PDCD10: variants seen among roughly 807,000 people sequenced by gnomAD.
The protein encoded by PDCD10 is programmed cell death 10.
A neutral mutation model predicts 29.2 loss-of-function variants in PDCD10; 4 were observed. The ratio of observed to expected loss-of-function variants is 0.14; its 90% confidence interval spans 0.07 to 0.31. The LOEUF is 0.31. Ranked by LOEUF, PDCD10 falls within the 10% of genes least tolerant of loss-of-function variation. The probability of loss-of-function intolerance (pLI) is 1.00; values close to 1 mark genes in which losing one functional copy is unlikely to be tolerated. For synonymous variants in PDCD10, 70 were observed against 82.2 expected (o/e 0.85, Z 0.80); for missense variants, 183 against 257.9 (o/e 0.71, Z 1.99).
intron 4 of PDCD10, among the ~76,000 whole-genome samples, chr3:167,697,487 CT>C (rs1383139669): frequency 1.3e-5 from 2 of 151,922 alleles, no homozygotes; most frequent in Admixed American, 1.3e-4. Flanking sequence ...AGAATTTAAG[CT>C]TTTTTTAATG....
At chr3:167,706,896 T>C in intron 3 of PDCD10, among the ~76,000 whole-genome samples, 1 of 152,254 alleles carries the variant, frequency 6.6e-6, no homozygotes, top group East Asian at 1.9e-4. Flanking sequence ...AAATATGTTA[T>C]CTTCTTCTCC....
At chr3:167,704,237 CTTTAT>C (rs1180894219) in intron 4 of PDCD10, among the ~76,000 whole-genome samples, 3 of 152,032 alleles carry the variant, frequency 2.0e-5, no homozygotes, top group Non-Finnish European at 4.4e-5. Context: ...TAAATTTTTA[CTTTAT>C]TTTGAGACAG....
chr3:167,721,194 A>G (rs548004528), intron 2 of PDCD10, among the ~76,000 whole-genome samples: 3 of 152,292 alleles, frequency 2.0e-5, no homozygotes, highest in Admixed American at 6.5e-5. Flanking sequence ...GCATTTTCAT[A>G]GTATAAAACA....
rs77275184 is a variant in PDCD10, at chr3:167,712,805, A to G, written c.96+7257T>C. Among the ~76,000 whole-genome samples the G allele has an allele frequency of 9.4e-3, 1,435 of 152,186 alleles. 30 individuals are homozygous for G. In the East Asian group the frequency reaches 0.096, roughly 10 times the overall value. ...TGGAAACCAAAAAAAGAGTAGGAGC[A>G]GCTGTATTTGTATCAGACAAAACAG... is the stretch of plus-strand genomic sequence containing the variant. On this transcript the variant is annotated intron_variant, in intron 3 of 8. Coordinates refer to ENST00000392750, the MANE Select transcript of PDCD10 (RefSeq NM_007217.4).
At chr3:167,726,052 C>A (rs1268852489) in intron 2 of PDCD10, among the ~76,000 whole-genome samples, 1 of 149,592 alleles carries the variant, frequency 6.7e-6, no homozygotes, top group Non-Finnish European at 1.5e-5. Flanking sequence ...AGACTTCCAG[C>A]TCATCTTAAA....
intron 4 of PDCD10, among the ~76,000 whole-genome samples, chr3:167,698,634 T>C (rs1436356944): frequency 6.6e-6 from 1 of 152,234 alleles, no homozygotes; most frequent in Non-Finnish European, 1.5e-5. Context: ...ATAGCATTAA[T>C]GCGGTGAACT....
At chr3:167,729,095 G>C (rs1724522520) in intron 2 of PDCD10, among the ~76,000 whole-genome samples, 1 of 152,142 alleles carries the variant, frequency 6.6e-6, no homozygotes, top group African/African-American at 2.4e-5. Context: ...CCCCACACCA[G>C]ACTGAGAGCC....
At chr3:167,685,879 C>T (rs1375890868) in intron 8 of PDCD10, among the ~76,000 whole-genome samples, 1 of 152,144 alleles carries the variant, frequency 6.6e-6, no homozygotes, top group Non-Finnish European at 1.5e-5. Flanking sequence ...GTATGGAACA[C>T]CACCACAAAA....
chr3:167,713,380 G>C (rs1259543313), intron 3 of PDCD10, among the ~76,000 whole-genome samples: 1 of 151,842 alleles, frequency 6.6e-6, no homozygotes, highest in African/African-American at 2.4e-5. Flanking sequence ...AAAATTTCTT[G>C]AAACAAGTAA....
At chr3:167,705,244 C>A (rs79132376) in intron 3 of PDCD10, among the ~76,000 whole-genome samples, 1 of 151,990 alleles carries the variant, frequency 6.6e-6, no homozygotes, top group Non-Finnish European at 1.5e-5. Flanking sequence ...AAAAATAATT[C>A]CATTTGTAAA....
chr3:167,708,471 G>A (rs76922525), intron 3 of PDCD10, among the ~76,000 whole-genome samples: 1 of 151,992 alleles, frequency 6.6e-6, no homozygotes, highest in Non-Finnish European at 1.5e-5. Flanking sequence ...CCATGTTCAC[G>A]CCCCTCTCCC....
At chr3:167,700,723 T>C (rs1721318376) in intron 4 of PDCD10, among the ~76,000 whole-genome samples, 1 of 152,190 alleles carries the variant, frequency 6.6e-6, no homozygotes, top group Non-Finnish European at 1.5e-5. Context: ...AAGAATTTAA[T>C]GCCAGCCAAG....
intron 3 of PDCD10, among the ~76,000 whole-genome samples, chr3:167,714,261 T>C (rs1722794457): frequency 6.6e-6 from 1 of 152,126 alleles, no homozygotes; most frequent in Admixed American, 6.5e-5. Flanking sequence ...TGATACATCT[T>C]ATCAACAGAA....
intron 6 of PDCD10, among the ~76,000 whole-genome samples, chr3:167,693,570 CA>C (rs1390323018): frequency 2.0e-5 from 3 of 152,146 alleles, no homozygotes; most frequent in Non-Finnish European, 4.4e-5. Context: ...AGAGTGCACA[CA>C]ATTCTGATAG....
chr3:167,711,796 G>A (rs1310005607), intron 3 of PDCD10, among the ~76,000 whole-genome samples: 2 of 152,080 alleles, frequency 1.3e-5, no homozygotes, highest in African/African-American at 4.8e-5. Context: ...ACATATGATG[G>A]AGCTCCAATT....
At chr3:167,727,767 AATT>A (rs1158890926) in intron 2 of PDCD10, among the ~76,000 whole-genome samples, 1 of 152,164 alleles carries the variant, frequency 6.6e-6, no homozygotes, top group Non-Finnish European at 1.5e-5. Flanking sequence ...AGATACCTAG[AATT>A]TAACTTAATG....
intron 3 of PDCD10, among the ~76,000 whole-genome samples, chr3:167,718,052 T>C (rs1018989679): frequency 6.6e-6 from 1 of 152,196 alleles, no homozygotes; most frequent in Admixed American, 6.6e-5. Flanking sequence ...ATTCAGAATA[T>C]AGACATGAAA....
intron 2 of PDCD10, among the ~76,000 whole-genome samples, chr3:167,722,935 TACTTATTTGTCAAC>T (rs1391632173): frequency 6.6e-6 from 1 of 152,222 alleles, no homozygotes; most frequent in Non-Finnish European, 1.5e-5. Flanking sequence ...AACTTTACAG[TACTTATTTGTCAAC>T]AAAAAGAACA....
At chr3:167,728,305 G>A (rs764660809) in intron 2 of PDCD10, among the ~76,000 whole-genome samples, 16 of 151,808 alleles carry the variant, frequency 1.1e-4, no homozygotes, top group African/African-American at 3.6e-4. Context: ...ATCTAAACTC[G>A]TATAGGGTGC....
Sources: allele counts gnomAD v4.1 joint callset (sites outside exome capture counted in the v4.1 genomes callset), GRCh38; gene constraint gnomAD v4.1.1; transcripts MANE v1.5; gene names NCBI Gene and HGNC (gene_info 2026-07-23, HGNC 2026-07-21).